Variants in ZNF226 observed in about 807,000 individuals in gnomAD.
ZNF226 encodes the protein Kruppel-associated box protein.
ZNF226 carries 6 observed loss-of-function variants against 11.4 expected under a neutral mutation model. The observed-to-expected ratio is 0.53, with a 90% confidence interval of 0.29 to 1.04. The LOEUF (loss-of-function observed/expected upper bound fraction) is 1.04. Among genes scored for constraint, ZNF226 ranks in the 50% least tolerant of loss-of-function variants. The pLI, the probability that ZNF226 is intolerant of heterozygous loss-of-function variation, is 0.08. For missense variants in ZNF226, 1,058 were observed against 956.5 expected (o/e 1.11, Z -1.40); for synonymous variants, 350 against 322.8 (o/e 1.08, Z -0.90).
Position 44,177,234 on chromosome 19 carries a change from C to T in ZNF226, c.1972C>T (p.Leu658Phe), listed in dbSNP as rs761707210. The T allele has an allele frequency of 2.5e-6, 4 of 1,613,930 alleles. No homozygotes were observed. In the South Asian group the frequency reaches 4.4e-5, roughly 18 times the overall value. ...CGKSFGRSAH[L>F]QAHQKVHTGD... Reference sequence around the variant, plus strand: ...GAAGAGTTTCGGTCGGAGTGCACATCTTCAAGCCCATCAAAAAGTCCACAC... The same window carrying T: ...GAAGAGTTTCGGTCGGAGTGCACATTTTCAAGCCCATCAAAAAGTCCACAC... The change falls in exon 6 of 6, where the codon CTT becomes TTT. Residue 658 changes from leucine to phenylalanine, a missense_variant. Coordinates refer to ENST00000337433, the MANE Select transcript of ZNF226 (RefSeq NM_001032373.2).
chr19:44,174,633 G>GTT (rs796352938), intron 5 of ZNF226: 3 of 171,790 alleles, frequency 1.7e-5, no homozygotes, highest in East Asian at 1.5e-4. Flanking sequence ...TACTTTATCT[G>GTT]TTTTTTTTTC....
downstream of ZNF226, among the ~76,000 whole-genome samples, chr19:44,178,719 C>T (rs556240204): frequency 2.5e-4 from 38 of 152,026 alleles, no homozygotes; most frequent in East Asian, 7.0e-3. Context: ...TTCTGGAATT[C>T]ATAGAATAGG....
intron 1 of ZNF226, 24 bp downstream of exon 1, chr19:44,165,166 A>G (rs1107064): frequency 0.13 from 19,130 of 152,142 alleles, 1,722 homozygotes; most frequent in East Asian, 0.42. Context: ...GAACCTTTCA[A>G]ACTTCCCCGA....
chr19:44,177,279 T>C lies in ZNF226; in HGVS notation c.2017T>C (p.Cys673Arg), dbSNP rs1302003531. 4 of 1,614,070 alleles carry C rather than the reference T, an allele frequency of 2.5e-6. No individual in the cohort carries two copies. The highest frequency in any genetic ancestry group is 2.5e-6 in the Non-Finnish European group (3 of 1,180,024). ...CCACACTGGAGATAAGCCATACAAA[T>C]GTGATGAGTGTGGGAAGGGCTTCAA... ...KVHTGDKPYK[C>R]DECGKGFKWS... Residue 673 changes from cysteine to arginine, a missense_variant, in exon 6 of 6, where the codon TGT (cysteine) becomes CGT (arginine). Coordinates refer to ENST00000337433, the MANE Select transcript of ZNF226 (RefSeq NM_001032373.2).
At chr19:44,194,761 C>T in the ZNF226 span, among the ~76,000 whole-genome samples, 2 of 150,920 alleles carry the variant, frequency 1.3e-5, no homozygotes, top group Non-Finnish European at 2.9e-5. Flanking sequence ...ATATTACATA[C>T]ATATATAGAC....
intron 2 of ZNF226, chr19:44,167,967 A>G (rs1237434856): frequency 6.6e-6 from 1 of 152,204 alleles, no homozygotes; most frequent in Non-Finnish European, 1.5e-5. Flanking sequence ...GCTGTGAAGA[A>G]GCAGTAGTAA....
downstream of ZNF226, among the ~76,000 whole-genome samples, chr19:44,180,441 C>T (rs533372353): frequency 6.6e-6 from 1 of 152,144 alleles, no homozygotes; most frequent in Non-Finnish European, 1.5e-5. Context: ...GTCCATGATA[C>T]CTCAAGTTGT....
chr19:44,199,238 A>G, the ZNF226 span, among the ~76,000 whole-genome samples: 1 of 151,462 alleles, frequency 6.6e-6, no homozygotes, highest in Non-Finnish European at 1.5e-5. Flanking sequence ...GCAGTGGCAC[A>G]ATCTTGGCTC....
chr19:44,181,392 T>C (rs774571861), downstream of ZNF226, among the ~76,000 whole-genome samples: 1 of 151,962 alleles, frequency 6.6e-6, no homozygotes, highest in Non-Finnish European at 1.5e-5. Flanking sequence ...AAGAAAAAAA[T>C]AAGTTTCATC....
At chr19:44,185,141 A>G in the ZNF226 span, among the ~76,000 whole-genome samples, 1 of 152,214 alleles carries the variant, frequency 6.6e-6, no homozygotes, top group African/African-American at 2.4e-5. Flanking sequence ...GTCTGTGTAC[A>G]GCACATTTTC....
In ZNF226 at chr19:44,177,445, AAT is replaced by A; in HGVS notation, c.2184_2185del (p.Cys729Ter). Reference sequence around the variant, plus strand: ...GTCCACACAGGAGAGAAACCATACAAATGTGATGTGTGTGGTAAAGTCTTCAG... The same window carrying A: ...GTCCACACAGGAGAGAAACCATACAAGTGATGTGTGTGGTAAAGTCTTCAG... On this transcript the variant is annotated frameshift_variant, in exon 6 of 6. Transcript: ENST00000337433. LOFTEE classifies it low-confidence loss of function (END_TRUNC). 6.2e-7 allele frequency: 1 copy of A among 1,614,162 alleles called. No homozygotes were observed. Among genetic ancestry groups the A allele is most frequent in the Non-Finnish European group, 8.5e-7 (1 of 1,180,026 alleles).
chr19:44,181,746 T>A (rs1419917445), downstream of ZNF226, among the ~76,000 whole-genome samples: 7 of 152,280 alleles, frequency 4.6e-5, no homozygotes, highest in South Asian at 6.2e-4. Flanking sequence ...TTCCTCTATT[T>A]GAAGTCAGTC....
At chr19:44,182,178 A>T (rs1045410077), downstream of ZNF226, among the ~76,000 whole-genome samples, 2 of 151,842 alleles carry the variant, frequency 1.3e-5, no homozygotes, top group East Asian at 3.9e-4. Context: ...ACCCTAAAGT[A>T]AAAAAAAGCC....
chr19:44,166,810 C>T (rs1969428489), intron 2 of ZNF226: 1 of 152,144 alleles, frequency 6.6e-6, no homozygotes, highest in Non-Finnish European at 1.5e-5. Flanking sequence ...ATTCTTGAGC[C>T]CTACCGAAGG....
intron 5 of ZNF226, chr19:44,175,152 C>T (rs1970565938): frequency 6.6e-7 from 1 of 1,507,844 alleles, no homozygotes. Flanking sequence ...GCAGTAACTT[C>T]TGGGCTGTGG....
downstream of ZNF226, chr19:44,177,986 T>TA (rs1970843818): frequency 4.4e-6 from 1 of 228,908 alleles, no homozygotes; most frequent in Non-Finnish European, 8.6e-6. Context: ...TACATAATCT[T>TA]ACCATTGCCA....
downstream of ZNF226, among the ~76,000 whole-genome samples, chr19:44,182,220 G>A (rs190257405): frequency 2.6e-3 from 401 of 152,282 alleles, no homozygotes; most frequent in African/African-American, 9.3e-3. Flanking sequence ...AGAATTTCTC[G>A]ACCTTGGCAC....
downstream of ZNF226, among the ~76,000 whole-genome samples, chr19:44,182,674 T>C (rs1252928804): frequency 7.2e-5 from 11 of 152,008 alleles, no homozygotes; most frequent in East Asian, 1.9e-3. Context: ...GAGAGGAAAA[T>C]TGTGACATTG....
chr19:44,191,988 A>G, the ZNF226 span, among the ~76,000 whole-genome samples: 1 of 152,222 alleles, frequency 6.6e-6, no homozygotes, highest in East Asian at 1.9e-4. Context: ...ATGAAAAGGT[A>G]CTTGAATTCA....
Sources: gnomAD v4.1 joint callset for allele counts (sites outside exome capture counted in the v4.1 genomes callset) on GRCh38, gnomAD v4.1.1 for gene constraint, MANE v1.5 for transcripts, NCBI Gene and HGNC (gene_info 2026-07-23, HGNC 2026-07-21) for gene names.